PCM1: variants seen among roughly 807,000 people sequenced by gnomAD.
PCM1 encodes the protein pericentriolar material 1.
PCM1 carries 157 observed loss-of-function variants against 241.9 expected under a neutral mutation model. The observed-to-expected ratio is 0.65, with a 90% CI of 0.57 to 0.74. The LOEUF (loss-of-function observed/expected upper bound fraction) is 0.74. Ranked by LOEUF, PCM1 falls within the 30% of genes least tolerant of loss-of-function variation. PCM1 has a pLI of 0.00. For synonymous variants in PCM1, 1,085 were observed against 784.9 expected (o/e 1.38, Z -6.39); for missense variants, 3,478 against 2,360.1 (o/e 1.47, Z -9.81).
Position 18,029,509 on chromosome 8 carries a change from C to A in PCM1, c.*1847C>A. On this transcript the variant is annotated 3_prime_UTR_variant, in exon 39 of 39. Transcript: ENST00000325083. ...CTGTGTTTCTCTCTCTGTCTGCATG[C>A]ATATTAAAGTGGAAAAATTGTATTT... The A allele has an allele frequency of 4.7e-6, 1 of 214,042 alleles. No individual in the cohort carries two copies. The highest frequency in any genetic ancestry group is 6.9e-5 in the East Asian group (1 of 14,402). The allele number at this position is 214,042 out of a possible 1,614,324, so 13.3% of individuals were successfully genotyped here. A position where few individuals can be genotyped will look rare whatever the true frequency, so the allele number is the denominator to read the frequency against.
At chr8:17,924,179 C>T (rs929356139) in intron 1 of PCM1, among the ~76,000 whole-genome samples, 3 of 152,044 alleles carry the variant, frequency 2.0e-5, no homozygotes, top group Non-Finnish European at 2.9e-5. Context: ...TGCAGAGCCT[C>T]GGGTGCACCT....
chr8:17,961,413 C>G (rs1025669503), intron 15 of PCM1, among the ~76,000 whole-genome samples: 2 of 148,450 alleles, frequency 1.3e-5, no homozygotes, highest in Admixed American at 6.8e-5. Context: ...TGGGTTCACG[C>G]CATTCTCCTG....
At chr8:17,969,535 C>T (rs149293354) in intron 21 of PCM1, 42 bp from the exon 22 acceptor site, 74 of 1,342,682 alleles carry the variant, frequency 5.5e-5, no homozygotes, top group Non-Finnish European at 7.2e-5. Flanking sequence ...AAGCTAAAGA[C>T]ATTTATTTAT....
chr8:17,977,010 A>T (rs978171614), intron 23 of PCM1, among the ~76,000 whole-genome samples: 4 of 152,174 alleles, frequency 2.6e-5, no homozygotes, highest in Non-Finnish European at 5.9e-5. Context: ...CGTATATGCC[A>T]CATTAAGTGC....
chr8:17,956,581 T>A, intron 10 of PCM1, 23 bp from the exon 11 acceptor site: 1 of 1,465,048 alleles, frequency 6.8e-7, no homozygotes. Context: ...GTAAATCGTA[T>A]ACATAAATTT....
chr8:18,020,841 T>G (rs1273292363), intron 36 of PCM1, among the ~76,000 whole-genome samples: 1 of 152,174 alleles, frequency 6.6e-6, no homozygotes, highest in Non-Finnish European at 1.5e-5. Flanking sequence ...TGGAATGTTG[T>G]GGAAACAAAG....
chr8:17,961,739 A>G (rs1371504225), intron 15 of PCM1, among the ~76,000 whole-genome samples: 1 of 152,140 alleles, frequency 6.6e-6, no homozygotes, highest in Non-Finnish European at 1.5e-5. Context: ...TCTCCAATCT[A>G]AATAATGTCT....
intron 9 of PCM1, among the ~76,000 whole-genome samples, chr8:17,954,832 G>A (rs1455143584): frequency 1.3e-5 from 2 of 152,128 alleles, no homozygotes; most frequent in Non-Finnish European, 2.9e-5. Context: ...TTAGTTCAAG[G>A]ACCATAGAGG....
intron 34 of PCM1, among the ~76,000 whole-genome samples, chr8:18,013,255 T>C (rs1243975776): frequency 2.0e-5 from 3 of 152,216 alleles, no homozygotes; most frequent in East Asian, 3.8e-4. Context: ...TAGATTATTC[T>C]GTTTTCAGTA....
intron 30 of PCM1, among the ~76,000 whole-genome samples, chr8:18,007,999 G>C (rs1415451650): frequency 6.6e-6 from 1 of 152,086 alleles, no homozygotes; most frequent in Non-Finnish European, 1.5e-5. Context: ...TAATCAAAAG[G>C]GTCAGAATCT....
intron 29 of PCM1, among the ~76,000 whole-genome samples, chr8:17,996,246 G>A (rs2086692192): frequency 1.3e-5 from 2 of 152,110 alleles, no homozygotes; most frequent in South Asian, 2.1e-4. Flanking sequence ...TATCATGAAA[G>A]GATGTTGAAT....
intron 6 of PCM1, chr8:17,940,079 A>G (rs2129450559): frequency 6.3e-7 from 1 of 1,581,062 alleles, no homozygotes; most frequent in South Asian, 1.1e-5. Flanking sequence ...CGGACTATAG[A>G]TTCAGCTGTG....
intron 6 of PCM1, among the ~76,000 whole-genome samples, chr8:17,943,712 T>G (rs2062914966): frequency 1.3e-5 from 2 of 152,220 alleles, no homozygotes; most frequent in Admixed American, 1.3e-4. Flanking sequence ...AAAAACATTT[T>G]AATTTCTTCA....
At position 17,935,812 on chromosome 8, in the gene PCM1, G is replaced by T. The variant is rs556877581; in HGVS notation, c.96+106G>T. 1.0e-4 allele frequency: 62 copies of T among 610,944 alleles called. No homozygotes were observed. In the East Asian group the frequency reaches 1.8e-3, roughly 17 times the overall value. The allele number at this position is 610,944 out of a possible 1,614,324, so 37.8% of individuals were successfully genotyped here. A position where few individuals can be genotyped will look rare whatever the true frequency, so the allele number is the denominator to read the frequency against. ...CTGATGCTCTTTGTATACACTTGCT[G>T]GCCAAGACATTAAGGGACCCTGGGC... On this transcript the variant is annotated intron_variant, in intron 3 of 38. Coordinates refer to ENST00000325083, the MANE Select transcript of PCM1 (RefSeq NM_006197.4).
rs1475026435 is a variant in PCM1 at position 17,957,691 on chromosome 8, T to C, written c.1956T>C (p.Asp652=). The stretch of plus-strand genomic sequence containing the variant: ...GTCTGGTTGATGAGCATCCAGAAGA[T>C]GCTGAATTTGAACAGAAGATCAACC... ...RSSLVDEHPE[D]AEFEQKINRL... is the part of the protein sequence containing the mutation. Residue 652 remains aspartate (D), a synonymous_variant, in exon 13 of 39, where the codon GAT becomes GAC. Transcript: ENST00000325083. The C allele has an allele frequency of 6.2e-7, 1 of 1,612,526 alleles. No individual in the cohort carries two copies. The highest frequency in any genetic ancestry group is 1.1e-5 in the South Asian group (1 of 90,904).
intron 29 of PCM1, among the ~76,000 whole-genome samples, chr8:18,000,820 C>T (rs2089116664): frequency 6.6e-6 from 1 of 152,040 alleles, no homozygotes. Context: ...ATGGTGTTTC[C>T]CTATGTTGAC....
At position 17,957,394 on chromosome 8, in the gene PCM1, A is replaced by G. The variant is rs1461585635; in HGVS notation, c.1777A>G (p.Arg593Gly). The G allele has an allele frequency of 1.2e-6, 2 of 1,612,656 alleles. No homozygotes were observed. Among genetic ancestry groups the G allele is most frequent in the Non-Finnish European group, 8.5e-7 (1 of 1,179,006 alleles). ...TAACAACAGATCTGCTGCCAACATAAGGGCTCTAAACATGCCTCCTTCTTT... is the reference window on the plus strand; with the variant it reads ...TAACAACAGATCTGCTGCCAACATAGGGGCTCTAAACATGCCTCCTTCTTT... Reference protein sequence around the residue: ...EINNRSAANIRALNMPPSLDC... With the variant: ...EINNRSAANIGALNMPPSLDC... The change falls in exon 12 of 39, where the codon AGG (arginine) becomes GGG (glycine). Residue 593 changes from arginine to glycine, a missense_variant. By Grantham distance (125) the Arg-to-Gly change is moderately radical (BLOSUM62 -2). Coordinates refer to ENST00000325083, the MANE Select transcript of PCM1 (RefSeq NM_006197.4).
At chr8:17,930,402 C>A (rs117885674) in intron 2 of PCM1, among the ~76,000 whole-genome samples, 3 of 151,776 alleles carry the variant, frequency 2.0e-5, no homozygotes, top group South Asian at 2.1e-4. Flanking sequence ...TGCGCCTGAC[C>A]GTTACTGGAA....
intron 34 of PCM1, 59 bp downstream of exon 34, chr8:18,011,886 A>G (rs2092569056): frequency 1.4e-6 from 2 of 1,447,404 alleles, no homozygotes; most frequent in Non-Finnish European, 9.3e-7. Flanking sequence ...TCAAACTTCC[A>G]TCAGCCTTAT....
Sources: gnomAD v4.1 joint callset for allele counts (sites outside exome capture counted in the v4.1 genomes callset) on GRCh38, gnomAD v4.1.1 for gene constraint, MANE v1.5 for transcripts, NCBI Gene and HGNC (gene_info 2026-07-23, HGNC 2026-07-21) for gene names.